Variants in LEKR1 observed in about 807,000 individuals in gnomAD.
The protein encoded by LEKR1 is leucine, glutamate and lysine rich 1.
In LEKR1, 59 loss-of-function variants were observed where a neutral mutation model predicts 72.4. That is an observed-to-expected ratio of 0.82 (90% CI 0.66 to 1.01). LEKR1 has a LOEUF of 1.01. Among genes scored for constraint, LEKR1 ranks in the 50% least tolerant of loss-of-function variants. The pLI, the probability that LEKR1 is intolerant of heterozygous loss-of-function variation, is 0.00. For missense variants in LEKR1, 728 were observed against 759.2 expected (o/e 0.96, Z 0.48); for synonymous variants, 257 against 263.2 (o/e 0.98, Z 0.23).
At chr3:157,028,501 G>A in intron 12 of LEKR1, 99 bp downstream of exon 12, 1 of 1,019,742 alleles carries the variant, frequency 9.8e-7, no homozygotes, top group Admixed American at 2.7e-5. Context: ...TTCATGGAAA[G>A]AGTCCTGGAA....
intron 2 of LEKR1, among the ~76,000 whole-genome samples, chr3:156,833,503 A>G (rs1712706744): frequency 2.0e-5 from 3 of 152,200 alleles, no homozygotes; most frequent in Admixed American, 1.3e-4. Context: ...AACATACACT[A>G]AGTCATATTG....
At chr3:157,022,526 T>G (rs551956345) in intron 10 of LEKR1, among the ~76,000 whole-genome samples, 1 of 151,734 alleles carries the variant, frequency 6.6e-6, no homozygotes, top group Non-Finnish European at 1.5e-5. Context: ...GTGGGGAGGG[T>G]AAAGGAGAGA....
chr3:156,888,978 A>G (rs1720383772), intron 3 of LEKR1, among the ~76,000 whole-genome samples: 2 of 152,134 alleles, frequency 1.3e-5, no homozygotes, highest in Non-Finnish European at 2.9e-5. Context: ...TAAATCATAG[A>G]TTTCTTTATT....
intron 6 of LEKR1, among the ~76,000 whole-genome samples, chr3:156,967,480 A>C (rs542933768): frequency 6.6e-6 from 1 of 152,254 alleles, no homozygotes; most frequent in African/African-American, 2.4e-5. Flanking sequence ...TGATGAATGC[A>C]CAAGCCTCAT....
At chr3:156,880,595 T>C (rs948946415) in intron 3 of LEKR1, among the ~76,000 whole-genome samples, 3 of 152,210 alleles carry the variant, frequency 2.0e-5, no homozygotes, top group Non-Finnish European at 2.9e-5. Flanking sequence ...GTACCATTCC[T>C]TCTGAAACTA....
At chr3:156,848,321 G>A (rs752516243) in intron 2 of LEKR1, among the ~76,000 whole-genome samples, 1 of 152,124 alleles carries the variant, frequency 6.6e-6, no homozygotes, top group Non-Finnish European at 1.5e-5. Context: ...GCCATTTCAT[G>A]TATACAGTGC....
intron 10 of LEKR1, among the ~76,000 whole-genome samples, chr3:157,021,381 T>C (rs1472689863): frequency 6.6e-6 from 1 of 152,082 alleles, no homozygotes; most frequent in African/African-American, 2.4e-5. Context: ...TGGTAATGCC[T>C]AGGTTTTCTT....
At chr3:156,853,225 A>G (rs1715614335) in intron 3 of LEKR1, 5 of 259,964 alleles carry the variant, frequency 1.9e-5, no homozygotes, top group Admixed American at 5.2e-5. Flanking sequence ...CAGCTGAGAC[A>G]TTCAAATTTT....
At chr3:156,972,512 A>T (rs561580327) in intron 6 of LEKR1, among the ~76,000 whole-genome samples, 20 of 152,138 alleles carry the variant, frequency 1.3e-4, no homozygotes, top group African/African-American at 4.8e-4. Context: ...ATAAATAAAT[A>T]GTGAAAAAAT....
intron 4 of LEKR1, among the ~76,000 whole-genome samples, chr3:156,923,025 C>T (rs922161760): frequency 9.2e-5 from 14 of 152,148 alleles, no homozygotes; most frequent in South Asian, 4.1e-4. Context: ...AGTTTCACTT[C>T]GCTTCTTCAG....
At chr3:156,927,663 T>A (rs1415957576) in intron 5 of LEKR1, 59 bp downstream of exon 5, 1 of 621,754 alleles carries the variant, frequency 1.6e-6, no homozygotes, top group African/African-American at 2.1e-5. Flanking sequence ...ACATCATAAG[T>A]AATAAAATAA....
intron 2 of LEKR1, among the ~76,000 whole-genome samples, chr3:156,843,419 A>G (rs1023964927): frequency 1.3e-5 from 2 of 152,152 alleles, no homozygotes; most frequent in African/African-American, 4.8e-5. Context: ...GACAAAATGA[A>G]CACTTGTAAT....
chr3:156,914,084 C>A (rs1723361275), intron 3 of LEKR1, among the ~76,000 whole-genome samples: 1 of 152,010 alleles, frequency 6.6e-6, no homozygotes, highest in Admixed American at 6.6e-5. Context: ...ATTATCATTC[C>A]AAAATTAGCA....
In LEKR1 at chr3:156,929,298, A is replaced by G. The variant is rs1227401898; in HGVS notation, c.559+1694A>G. On this transcript the variant is annotated intron_variant, in intron 5 of 12. Transcript: ENST00000356539. ...CCTATCCATTTTGGTAGGTTACAAA[A>G]TCAGCAAAAACTCCAGTTGTCTAAT... Among the ~76,000 whole-genome samples, 3 of 152,080 alleles carry G rather than the reference A, an allele frequency of 2.0e-5. No individual in the cohort carries two copies. In the East Asian group the frequency reaches 5.8e-4, roughly 29 times the overall value.
At chr3:156,997,791 G>T (rs1731698984) in intron 9 of LEKR1, among the ~76,000 whole-genome samples, 1 of 152,186 alleles carries the variant, frequency 6.6e-6, no homozygotes, top group Non-Finnish European at 1.5e-5. Context: ...AAAAAAACTA[G>T]CAGAACTTCT....
intron 3 of LEKR1, among the ~76,000 whole-genome samples, chr3:156,870,957 T>TTTA (rs1199327610): frequency 1.6e-4 from 24 of 151,998 alleles, no homozygotes; most frequent in African/African-American, 4.6e-4. Flanking sequence ...CATTCTTTTT[T>TTTA]TTATTATTAT....
chr3:156,988,227 G>T, intron 7 of LEKR1: 1 of 202,272 alleles, frequency 4.9e-6, no homozygotes, highest in South Asian at 9.9e-5. Context: ...AACAGACAAA[G>T]GCCTCCACCA....
chr3:156,978,067 T>C (rs1356125240), intron 6 of LEKR1, among the ~76,000 whole-genome samples: 2 of 152,172 alleles, frequency 1.3e-5, no homozygotes, highest in African/African-American at 4.8e-5. Flanking sequence ...AAGCAAACTA[T>C]TCTTAGAGAT....
intron 12 of LEKR1, among the ~76,000 whole-genome samples, chr3:157,028,872 G>A (rs1445420676): frequency 1.3e-5 from 2 of 152,114 alleles, no homozygotes; most frequent in Non-Finnish European, 2.9e-5. Context: ...GCATGCGTCG[G>A]TTTTCTTTCT....
Sources: allele counts gnomAD v4.1 joint callset (sites outside exome capture counted in the v4.1 genomes callset), GRCh38; gene constraint gnomAD v4.1.1; transcripts MANE v1.5; gene names NCBI Gene and HGNC (gene_info 2026-07-23, HGNC 2026-07-21).